Variants in USP42 observed in about 807,000 individuals in gnomAD.
USP42 encodes the protein ubiquitin carboxyl-terminal hydrolase 42.
USP42 carries 23 observed loss-of-function variants against 113.0 expected under a neutral mutation model. The observed-to-expected ratio is 0.20, with a 90% CI of 0.15 to 0.29. The LOEUF is 0.29. Ranked by LOEUF, USP42 falls within the 10% of genes least tolerant of loss-of-function variation. The pLI is 1.00. For synonymous variants in USP42, 933 were observed against 699.0 expected (o/e 1.33, Z -5.28); for missense variants, 2,174 against 1,779.8 (o/e 1.22, Z -3.99).
chr7:6,152,924 A>C (rs766026146), intron 14 of USP42: 13 of 985,180 alleles, frequency 1.3e-5, no homozygotes, highest in Non-Finnish European at 1.6e-5. Context: ...GGAAAGGAGG[A>C]GGCCCTGTCA....
Position 6,156,977 on chromosome 7 carries a change from G to C in USP42, c.3865G>C (p.Gly1289Arg). The C allele has an allele frequency of 6.2e-7, 1 of 1,613,630 alleles. No individual in the cohort carries two copies. The highest frequency in any genetic ancestry group is 8.5e-7 in the Non-Finnish European group (1 of 1,179,718). The change falls in exon 16 of 18, where the codon GGA becomes CGA. Residue 1289 changes from glycine to arginine, a missense_variant. Transcript: ENST00000306177. ...LSGGPPLEGV[G>R]PFREKTKHLR... ...TGGTGGCCCGCCTCTGGAAGGCGTCGGACCTTTCCGTGAGAAAACGAAACA... is the reference window on the plus strand; with the variant it reads ...TGGTGGCCCGCCTCTGGAAGGCGTCCGACCTTTCCGTGAGAAAACGAAACA...
chr7:6,118,433 G>A (rs1780032004), intron 3 of USP42, among the ~76,000 whole-genome samples: 1 of 151,842 alleles, frequency 6.6e-6, no homozygotes, highest in African/African-American at 2.4e-5. Flanking sequence ...GAGGTGGGAG[G>A]ATCACATGAG....
intron 9 of USP42, 120 bp downstream of exon 9, chr7:6,144,316 C>T (rs1781585946): frequency 4.7e-6 from 3 of 641,472 alleles, no homozygotes; most frequent in South Asian, 2.0e-5. Flanking sequence ...CTATTACCTA[C>T]ATTTGGGCTT....
At position 6,154,995 on chromosome 7, in the gene USP42, C is replaced by T. The variant is rs374837710; in HGVS notation, c.3441C>T (p.Leu1147=). The change falls in exon 15 of 18, where the codon CTC becomes CTT. Residue 1147 remains leucine, a synonymous_variant. Transcript: ENST00000306177. ...TTGTAGCCGGAGACAACTGTAACCT[C>T]TCTGATCGGTTTCACGAACACGAAA... is the stretch of plus-strand genomic sequence containing the variant. ...TALVAGDNCN[L]SDRFHEHENG... is the part of the protein sequence containing the mutation. The T allele has an allele frequency of 2.2e-4, 348 of 1,564,402 alleles. No individual in the cohort carries two copies. Among genetic ancestry groups the T allele is most frequent in the Non-Finnish European group, 2.8e-4 (327 of 1,154,164 alleles).
At chr7:6,100,677 ACT>A (rs534944436), upstream of USP42, among the ~76,000 whole-genome samples, 5 of 137,134 alleles carry the variant, frequency 3.6e-5, no homozygotes, top group South Asian at 1.1e-3. Flanking sequence ...CTTGGTATCC[ACT>A]GTCTTTTTTT....
the USP42 span, among the ~76,000 whole-genome samples, chr7:6,094,976 T>C: frequency 1.3e-5 from 2 of 151,088 alleles, no homozygotes; most frequent in Non-Finnish European, 2.9e-5. Flanking sequence ...TTAGTAGAGA[T>C]GGAGTTTCGC....
Position 6,137,072 on chromosome 7 carries a change from G to A in USP42, c.553+1121G>A, listed in dbSNP as rs141933802. On this transcript the variant is annotated intron_variant, in intron 4 of 17. Transcript: ENST00000306177. ...TTCTTACATTCTGTGTGTTTTTGCA[G>A]TAAACTTTTGCATCTTGTTAATTGA... 1.8e-3 allele frequency among the ~76,000 whole-genome samples: 279 copies of A among 152,230 alleles called. 1 individual carries two copies. Among genetic ancestry groups the A allele is most frequent in the Non-Finnish European group, 2.7e-3 (187 of 68,020 alleles).
chr7:6,131,969 C>T (rs1780875297), intron 3 of USP42, among the ~76,000 whole-genome samples: 1 of 152,160 alleles, frequency 6.6e-6, no homozygotes, highest in African/African-American at 2.4e-5. Flanking sequence ...GGCTGTCACT[C>T]TCACCCAGGC....
chr7:6,096,428 C>T, the USP42 span, among the ~76,000 whole-genome samples: 2 of 151,140 alleles, frequency 1.3e-5, no homozygotes, highest in Non-Finnish European at 2.9e-5. Context: ...GGTGCAGATG[C>T]AGTGAGTCAT....
At chr7:6,105,533 TC>T (rs1460688800) in intron 1 of USP42, among the ~76,000 whole-genome samples, 1 of 117,368 alleles carries the variant, frequency 8.5e-6, no homozygotes, top group African/African-American at 3.2e-5. Context: ...CGGGCCGGCC[TC>T]CCCGCCCCCA....
At chr7:6,110,437 A>G (rs920392629) in intron 1 of USP42, among the ~76,000 whole-genome samples, 1 of 152,230 alleles carries the variant, frequency 6.6e-6, no homozygotes, top group Non-Finnish European at 1.5e-5. Flanking sequence ...ATATTTTAAA[A>G]TAGGACTCAG....
At chr7:6,136,822 T>C (rs1413328811) in intron 4 of USP42, among the ~76,000 whole-genome samples, 2 of 151,690 alleles carry the variant, frequency 1.3e-5, no homozygotes, top group Admixed American at 6.6e-5. Flanking sequence ...TTTTTTTTTT[T>C]CAAGTGAGAC....
intron 3 of USP42, among the ~76,000 whole-genome samples, chr7:6,126,506 C>CTA (rs1554339643): frequency 6.6e-6 from 1 of 152,126 alleles, no homozygotes; most frequent in Non-Finnish European, 1.5e-5. Context: ...AGGATGGTCT[C>CTA]TATCTCCTGA....
rs1326422481 is a variant in USP42 at position 6,155,061 on chromosome 7, C to T, written c.3507C>T (p.Asn1169=). 6 of 1,563,218 alleles carry T rather than the reference C, an allele frequency of 3.8e-6. No homozygotes were observed. The South Asian group carries it at 7.1e-5, about 18-fold the overall frequency. Residue 1169 remains asparagine, a synonymous_variant, in exon 15 of 18, where the codon AAC becomes AAT. Coordinates refer to ENST00000306177, the MANE Select transcript of USP42 (RefSeq NM_032172.3). ...AACGGAGACACGACAGTGTGGAGAA[C>T]AGTGACAGTCATGTTGAAAAGAAAG... The part of the protein sequence containing the change: ...SRKRRHDSVE[N]SDSHVEKKAR...
intron 11 of USP42, 144 bp downstream of exon 11, chr7:6,146,392 C>T (rs932544924): frequency 4.8e-6 from 3 of 628,296 alleles, no homozygotes; most frequent in Non-Finnish European, 8.0e-6. Context: ...GGGCATGGTG[C>T]CTCACGCCTA....
At chr7:6,089,456 G>A in the USP42 span, among the ~76,000 whole-genome samples, 1 of 150,404 alleles carries the variant, frequency 6.6e-6, no homozygotes, top group Non-Finnish European at 1.5e-5. Context: ...TTTTAAAAAC[G>A]TAATACATAT....
intron 2 of USP42, among the ~76,000 whole-genome samples, chr7:6,112,320 G>T (rs765942619): frequency 7.2e-5 from 11 of 152,084 alleles, no homozygotes; most frequent in Non-Finnish European, 1.3e-4. Context: ...ATGGTGGTGT[G>T]TGCCTATAAT....
intron 3 of USP42, chr7:6,116,849 G>A (rs1779939633): frequency 1.9e-6 from 1 of 533,064 alleles, no homozygotes; most frequent in African/African-American, 1.9e-5. Context: ...CTTAATGAAA[G>A]TAGGGTGTGG....
rs1050204242 is a variant in USP42 at position 6,158,974 on chromosome 7, G to A, written c.3944-476G>A. Among the ~76,000 whole-genome samples, 2 of 152,114 alleles carry A rather than the reference G, an allele frequency of 1.3e-5. No homozygotes were observed. The highest frequency in any genetic ancestry group is 4.8e-5 in the African/African-American group (2 of 41,408). On this transcript the variant is annotated intron_variant, in intron 16 of 17. Coordinates refer to ENST00000306177, the MANE Select transcript of USP42 (RefSeq NM_032172.3). The surrounding 1 kb of genome is among the most constrained non-coding windows in gnomAD (Gnocchi z 4.2). ...GTGGTGGCCCTGTGTTTCCGTCCCC[G>A]TCCCACTGCACCGATGACAGGGTTT...
Sources: allele counts gnomAD v4.1 joint callset (sites outside exome capture counted in the v4.1 genomes callset), GRCh38; gene constraint gnomAD v4.1.1; non-coding constraint Gnocchi (gnomAD v3.1); transcripts MANE v1.5; gene names NCBI Gene and HGNC (gene_info 2026-07-23, HGNC 2026-07-21).